Variants in POLR1A observed in about 807,000 individuals in gnomAD.
POLR1A encodes the protein RNA polymerase I subunit A, also known as DNA-directed RNA polymerase I subunit RPA1.
In POLR1A, 84 loss-of-function variants were observed where a neutral mutation model predicts 205.3. That is an observed-to-expected ratio of 0.41 (90% CI 0.34 to 0.49). POLR1A has a LOEUF of 0.49. Ranked by LOEUF, POLR1A falls within the 20% of genes least tolerant of loss-of-function variation. The pLI is 0.22. For missense variants in POLR1A, 1,645 were observed against 2,204.5 expected, an observed-to-expected ratio of 0.75 and a Z score of 5.08; for synonymous variants, 799 against 863.7, an observed-to-expected ratio of 0.93 and a Z score of 1.31.
At chr2:86,102,221 CAT>C (rs1673833761) in intron 1 of POLR1A, among the ~76,000 whole-genome samples, 1 of 152,178 alleles carries the variant, frequency 6.6e-6, no homozygotes. Context: ...TACTGTTTTC[CAT>C]AGTGGTTGCA....
At chr2:86,052,244 C>T (rs146294804) in intron 16 of POLR1A, among the ~76,000 whole-genome samples, 32 of 152,270 alleles carry the variant, frequency 2.1e-4, no homozygotes, top group Middle Eastern at 3.4e-3. Flanking sequence ...TGCACCCAGC[C>T]GGCAGTGGGC....
intron 33 of POLR1A, 129 bp downstream of exon 33, chr2:86,027,756 G>T: frequency 9.2e-7 from 1 of 1,087,260 alleles, no homozygotes; most frequent in Non-Finnish European, 1.4e-6. Context: ...CCCTCCAGCC[G>T]CCCCCGCTCC....
intron 3 of POLR1A, among the ~76,000 whole-genome samples, chr2:86,093,188 G>A (rs1379806154): frequency 6.6e-6 from 1 of 152,122 alleles, no homozygotes; most frequent in Admixed American, 6.5e-5. Context: ...GAATACAAAG[G>A]AGCTTCCTTA....
chr2:86,045,195 AT>A, intron 21 of POLR1A, 82 bp downstream of exon 21: 1 of 912,846 alleles, frequency 1.1e-6, no homozygotes, highest in Non-Finnish European at 1.7e-6. Context: ...GGAATCTTAA[AT>A]GAGCTGCTGA....
chr2:86,049,919 T>C (rs748877038), intron 16 of POLR1A, among the ~76,000 whole-genome samples: 14 of 151,996 alleles, frequency 9.2e-5, no homozygotes, highest in Non-Finnish European at 1.6e-4. Context: ...GTGTTTTTTT[T>C]TTTGTTTTTG....
rs202034695 is a variant in POLR1A, at chr2:86,081,732, A to G, written c.818-26T>C. 1.0e-5 allele frequency: 14 copies of G among 1,405,900 alleles called. No individual in the cohort carries two copies. In the African/African-American group the frequency reaches 1.3e-4, roughly 13 times the overall value. The allele number at this position is 1,405,900 out of a possible 1,614,324, so 87.1% of individuals were successfully genotyped here. On this transcript the variant is annotated intron_variant, in intron 7 of 33. Coordinates refer to ENST00000263857, the MANE Select transcript of POLR1A (RefSeq NM_015425.6). The stretch of plus-strand genomic sequence containing the variant: ...CTGCGTTGGAAAGAAATAAACCAAG[A>G]AGACCATTTAAATCTATCACTAAGG...
Position 86,044,141 on chromosome 2 carries a change from C to T in POLR1A, c.3133G>A (p.Glu1045Lys), listed in dbSNP as rs374923032. The change falls in exon 22 of 34, where the codon GAG becomes AAG. Residue 1045 changes from glutamate (E) to lysine (K), a missense_variant and splice_region_variant. Coordinates refer to ENST00000263857, the MANE Select transcript of POLR1A (RefSeq NM_015425.6). Reference protein sequence around the residue: ...KQFPFLASNYEVIMKSQHLHE... With the variant: ...KQFPFLASNYKVIMKSQHLHE... Reference sequence around the variant, plus strand: ...GGCTCCGGGATCTAGCACACTACCTCGTAGTTGCTGGCCAGGAAGGGGAAC... The same window carrying T: ...GGCTCCGGGATCTAGCACACTACCTTGTAGTTGCTGGCCAGGAAGGGGAAC... 1.3e-5 allele frequency: 21 copies of T among 1,613,966 alleles called. No homozygotes were observed. The highest frequency in any genetic ancestry group is 1.7e-5 in the Non-Finnish European group (20 of 1,180,002).
chr2:86,038,980 A>G (rs1421446966), intron 26 of POLR1A, 123 bp from the exon 27 acceptor site: 3 of 862,602 alleles, frequency 3.5e-6, no homozygotes, highest in Non-Finnish European at 5.5e-6. Flanking sequence ...CCAAACCCCA[A>G]AGAAACCCTG....
At chr2:86,066,727 T>C (rs754684138) in intron 13 of POLR1A, among the ~76,000 whole-genome samples, 2 of 152,104 alleles carry the variant, frequency 1.3e-5, no homozygotes, top group Non-Finnish European at 2.9e-5. Flanking sequence ...AAAGGATCCT[T>C]GTCAAATGGT....
rs1672227966 is a variant in POLR1A, at chr2:86,025,773, A to G, written c.*1650T>C. The G allele has an allele frequency of 6.6e-6, 1 of 152,220 alleles. No homozygotes were observed. 9.4% of individuals were successfully genotyped at this position (152,220 alleles called of 1,614,324 possible). On this transcript the variant is annotated 3_prime_UTR_variant, in exon 34 of 34. Coordinates refer to ENST00000263857, the MANE Select transcript of POLR1A (RefSeq NM_015425.6). ...CACAATTCTAGTGTGTGTAGAAATC[A>G]TCAAGTGAATATGGCCTTTAACTCA...
chr2:86,071,109 C>A (rs1300003855), intron 12 of POLR1A, among the ~76,000 whole-genome samples: 2 of 150,906 alleles, frequency 1.3e-5, no homozygotes, highest in Non-Finnish European at 2.9e-5. Flanking sequence ...GTATACAAGG[C>A]CTAAAGTGAT....
chr2:86,093,425 C>T (rs888160523), intron 3 of POLR1A, among the ~76,000 whole-genome samples: 1 of 152,170 alleles, frequency 6.6e-6, no homozygotes, highest in Non-Finnish European at 1.5e-5. Context: ...AACATGGACA[C>T]TCACAAATAT....
intron 16 of POLR1A, 101 bp from the exon 17 acceptor site, chr2:86,049,343 T>A (rs77226608): frequency 2.6e-6 from 2 of 780,382 alleles, no homozygotes; most frequent in African/African-American, 3.4e-5. Context: ...GTGCCACAGA[T>A]GCAGGAAATA....
intron 6 of POLR1A, among the ~76,000 whole-genome samples, chr2:86,084,331 C>T (rs1001377409): frequency 6.6e-5 from 10 of 151,638 alleles, no homozygotes; most frequent in Admixed American, 2.6e-4. Flanking sequence ...ACAGGAGAAT[C>T]GCTTGAACCT....
At chr2:86,045,530 G>A (rs1274606568) in intron 20 of POLR1A, 87 bp downstream of exon 20, 10 of 1,450,866 alleles carry the variant, frequency 6.9e-6, no homozygotes, top group Non-Finnish European at 9.7e-6. Flanking sequence ...AGTGTCTTCT[G>A]CCCTACCCTG....
At chr2:86,044,673 C>T (rs371916317) in intron 21 of POLR1A, among the ~76,000 whole-genome samples, 4 of 152,194 alleles carry the variant, frequency 2.6e-5, no homozygotes, top group African/African-American at 7.2e-5. Context: ...AAAAGACGGG[C>T]GAAGCAGGGG....
chr2:86,070,315 G>C lies in POLR1A; in HGVS notation c.1612-43C>G. 1.3e-6 allele frequency: 2 copies of C among 1,553,672 alleles called. No homozygotes were observed. Among genetic ancestry groups the C allele is most frequent in the Non-Finnish European group, 1.7e-6 (2 of 1,144,476 alleles). On this transcript the variant is annotated intron_variant, in intron 12 of 33. Transcript: ENST00000263857. This position sits in a 1 kb window ranked among gnomAD's most constrained non-coding sequence, Gnocchi z 4.4. ...AGGTGGGTGATCAGTGCAAACGTCAGTATCACCACGGCTCTTTCCAAGTGC... is the reference window on the plus strand; with the variant it reads ...AGGTGGGTGATCAGTGCAAACGTCACTATCACCACGGCTCTTTCCAAGTGC...
chr2:86,105,571 C>T (rs970104792), intron 1 of POLR1A, 129 bp downstream of exon 1: 1 of 633,178 alleles, frequency 1.6e-6, no homozygotes, highest in Non-Finnish European at 2.8e-6. Context: ...ACTACGGCTC[C>T]CAGCAGGACA....
Position 86,068,390 on chromosome 2 carries a change from G to GC in POLR1A, c.1866+1627_1866+1628insG, listed in dbSNP as rs942819872. Among the ~76,000 whole-genome samples the GC allele has an allele frequency of 5.1e-5, 6 of 117,580 alleles. 1 individual carries two copies. Among genetic ancestry groups the GC allele is most frequent in the Admixed American group, 1.7e-4 (2 of 12,006 alleles). 77.1% of individuals were successfully genotyped at this position (117,580 alleles called of 152,430 possible). A position where few individuals can be genotyped will look rare whatever the true frequency, so the allele number is the denominator to read the frequency against. On this transcript the variant is annotated intron_variant, in intron 13 of 33. Coordinates refer to ENST00000263857, the MANE Select transcript of POLR1A (RefSeq NM_015425.6). The stretch of plus-strand genomic sequence containing the variant: ...ACGCACAGCCAAGCACATGGGCGGG[G>GC]GGGGGGGGCGGGTGTCGTCCAAAGC...
Sources: gnomAD v4.1 joint callset for allele counts (sites outside exome capture counted in the v4.1 genomes callset) on GRCh38, gnomAD v4.1.1 for gene constraint, Gnocchi (gnomAD v3.1) non-coding constraint, MANE v1.5 for transcripts, NCBI Gene and HGNC (gene_info 2026-07-23, HGNC 2026-07-21) for gene names.